NAALADL2: variants seen among roughly 807,000 people sequenced by gnomAD.
The protein encoded by NAALADL2 is N-acetylated alpha-linked acidic dipeptidase like 2, also known as inactive N-acetylated-alpha-linked acidic dipeptidase-like protein 2.
NAALADL2 carries 76 observed loss-of-function variants against 87.2 expected under a neutral mutation model. That is an observed-to-expected ratio of 0.87 (90% CI 0.72 to 1.05). NAALADL2 has a LOEUF of 1.05. Among genes scored for constraint, NAALADL2 ranks in the 50% least tolerant of loss-of-function variants. The pLI is 0.00. For synonymous variants in NAALADL2, 354 were observed against 331.0 expected (o/e 1.07, Z -0.75); for missense variants, 1,089 against 945.8 (o/e 1.15, Z -1.99).
intron 10 of NAALADL2, among the ~76,000 whole-genome samples, chr3:175,591,761 G>T (rs555765112): frequency 7.1e-6 from 1 of 141,720 alleles, no homozygotes; most frequent in Non-Finnish European, 1.5e-5. Flanking sequence ...TTATATATGC[G>T]CATGTGGTGT....
chr3:174,899,476 G>C (rs1269498244), intron 1 of NAALADL2, among the ~76,000 whole-genome samples: 1 of 152,078 alleles, frequency 6.6e-6, no homozygotes, highest in African/African-American at 2.4e-5. Flanking sequence ...GTTCTCTTGA[G>C]ATCTGTTTGC....
intron 2 of NAALADL2, among the ~76,000 whole-genome samples, chr3:174,568,438 C>G (rs967806400): frequency 1.8e-4 from 27 of 151,596 alleles, no homozygotes; most frequent in African/African-American, 6.3e-4. Context: ...GGTTCCTGTC[C>G]TGAAGAAAGA....
Position 175,205,465 on chromosome 3 carries a change from A to G in NAALADL2, c.546-28466A>G, listed in dbSNP as rs1440541130. On this transcript the variant is annotated intron_variant, in intron 2 of 13. Coordinates refer to ENST00000454872, the MANE Select transcript of NAALADL2 (RefSeq NM_207015.3). ...TCAACTCCAGATGGATTAAGTACCTAAATCTAAGATGTGAAGCTATAAGAA... is the reference window on the plus strand; with the variant it reads ...TCAACTCCAGATGGATTAAGTACCTGAATCTAAGATGTGAAGCTATAAGAA... Among the ~76,000 whole-genome samples the G allele has an allele frequency of 2.6e-5, 4 of 152,312 alleles. No individual in the cohort carries two copies. In the East Asian group the frequency reaches 7.7e-4, roughly 29 times the overall value.
chr3:175,546,964 A>C (rs1713443185), intron 9 of NAALADL2, among the ~76,000 whole-genome samples: 1 of 152,178 alleles, frequency 6.6e-6, no homozygotes, highest in Non-Finnish European at 1.5e-5. Context: ...GGATAGGAGG[A>C]GTCAATATCA....
intron 1 of NAALADL2, among the ~76,000 whole-genome samples, chr3:174,527,424 T>A (rs1720867029): frequency 6.6e-6 from 1 of 150,560 alleles, no homozygotes; most frequent in Non-Finnish European, 1.5e-5. Flanking sequence ...GAGGCTGAGG[T>A]AGGAGAATCA....
intron 1 of NAALADL2, among the ~76,000 whole-genome samples, chr3:174,547,684 A>C (rs567484281): frequency 3.9e-5 from 6 of 152,026 alleles, no homozygotes; most frequent in Non-Finnish European, 8.8e-5. Context: ...CTAAGATATC[A>C]TTTTTCTATA....
At chr3:175,695,196 G>T (rs1737591302) in intron 11 of NAALADL2, among the ~76,000 whole-genome samples, 1 of 151,968 alleles carries the variant, frequency 6.6e-6, no homozygotes, top group South Asian at 2.1e-4. Context: ...ATTCTTTCAG[G>T]CATAGAATAG....
intron 5 of NAALADL2, among the ~76,000 whole-genome samples, chr3:175,412,424 G>A (rs907077493): frequency 6.6e-6 from 1 of 152,154 alleles, no homozygotes; most frequent in Non-Finnish European, 1.5e-5. Flanking sequence ...TATGATGCAG[G>A]AGGGAAAAAA....
rs533941275 is a variant in NAALADL2, at chr3:175,787,381, C to A, written c.2190-15624C>A. On this transcript the variant is annotated intron_variant, in intron 13 of 13. Coordinates refer to ENST00000454872, the MANE Select transcript of NAALADL2 (RefSeq NM_207015.3). ...TCAGTGAGACTCCGTGGGCGTAGGA[C>A]CCTCCGAGCCAGGTGCGGGATGTAA... Among the ~76,000 whole-genome samples the A allele has an allele frequency of 8.6e-4, 131 of 152,290 alleles. 2 individuals are homozygous for A. In the East Asian group the frequency reaches 0.025, roughly 29 times the overall value.
At chr3:174,992,500 A>G (rs924385850) in intron 1 of NAALADL2, among the ~76,000 whole-genome samples, 3 of 152,100 alleles carry the variant, frequency 2.0e-5, no homozygotes, top group Non-Finnish European at 4.4e-5. Context: ...TTTATTTACT[A>G]CATTTCCATT....
intron 5 of NAALADL2, among the ~76,000 whole-genome samples, chr3:175,444,149 G>C (rs1007801302): frequency 1.3e-5 from 2 of 152,206 alleles, no homozygotes; most frequent in Non-Finnish European, 2.9e-5. Flanking sequence ...GCAAGCTAAA[G>C]AGTTTGGTGT....
chr3:175,101,857 CTCT>C (rs137874373), intron 2 of NAALADL2, among the ~76,000 whole-genome samples: 18,605 of 152,016 alleles, frequency 0.12, 1,283 homozygotes, highest in Middle Eastern at 0.18. Flanking sequence ...ATATAATTTC[CTCT>C]TCTTAATGGA....
At chr3:175,256,554 G>C (rs1241142503) in intron 4 of NAALADL2, 24 bp downstream of exon 4, 1 of 1,602,576 alleles carries the variant, frequency 6.2e-7, no homozygotes. Context: ...ATGTTATTCA[G>C]TGGTTTGGTC....
intron 1 of NAALADL2, among the ~76,000 whole-genome samples, chr3:175,013,268 TATATATATAC>T (rs1197349970): frequency 4.1e-5 from 4 of 96,734 alleles, no homozygotes; most frequent in African/African-American, 1.5e-4. Flanking sequence ...CATATATTTT[TATATATATAC>T]ATATATATAT....
intron 5 of NAALADL2, among the ~76,000 whole-genome samples, chr3:175,353,280 G>A (rs1448466455): frequency 1.3e-5 from 2 of 152,002 alleles, no homozygotes; most frequent in African/African-American, 2.4e-5. Flanking sequence ...GTTGAGGTCG[G>A]AGGATCTCTT....
At chr3:175,747,260 C>T (rs779597643) in intron 12 of NAALADL2, among the ~76,000 whole-genome samples, 13 of 152,178 alleles carry the variant, frequency 8.5e-5, no homozygotes, top group African/African-American at 2.2e-4. Context: ...GCTATTCACA[C>T]GGCTTCCCAT....
intron 2 of NAALADL2, among the ~76,000 whole-genome samples, chr3:174,627,547 T>C (rs764335703): frequency 6.6e-6 from 1 of 152,174 alleles, no homozygotes; most frequent in Non-Finnish European, 1.5e-5. Context: ...GAACTAAAAA[T>C]AGAACTAAAC....
intron 5 of NAALADL2, among the ~76,000 whole-genome samples, chr3:175,379,189 CTCTTT>C (rs1193979469): frequency 8.5e-6 from 1 of 117,788 alleles, no homozygotes; most frequent in African/African-American, 3.8e-5. Context: ...TTCTTCCTCT[CTCTTT>C]TTTTTTTTTT....
chr3:174,826,052 C>CAAT (rs398052460), intron 3 of NAALADL2, among the ~76,000 whole-genome samples: 1 of 146,182 alleles, frequency 6.8e-6, no homozygotes, highest in East Asian at 1.9e-4. Context: ...ACAACAACAA[C>CAAT]GACAACAACA....
Sources: gnomAD v4.1 joint callset for allele counts (sites outside exome capture counted in the v4.1 genomes callset) on GRCh38, gnomAD v4.1.1 for gene constraint, MANE v1.5 for transcripts, NCBI Gene and HGNC (gene_info 2026-07-23, HGNC 2026-07-21) for gene names.